The following CHD7 variants were observed in gnomAD, a reference collection of about 807,000 sequenced individuals.
CHD7 encodes the protein ATP-dependent chromatin remodeler CHD7.
Under a neutral mutation model 307.3 loss-of-function variants are expected in CHD7, and 24 were observed. That is an observed-to-expected ratio of 0.08 (90% CI 0.06 to 0.11). The LOEUF (loss-of-function observed/expected upper bound fraction) is 0.11, where lower values mean the gene tolerates loss of function less well. Among genes scored for constraint, CHD7 ranks in the 10% least tolerant of loss-of-function variants. CHD7 has a pLI of 1.00. For synonymous variants in CHD7, 1,363 were observed against 1,349.9 expected (o/e 1.01, Z -0.21); for missense variants, 3,106 against 3,727.1 (o/e 0.83, Z 4.34).
chr8:60,859,079 T>C (rs754702249), intron 34 of CHD7, among the ~76,000 whole-genome samples: 1 of 152,198 alleles, frequency 6.6e-6, no homozygotes, highest in Non-Finnish European at 1.5e-5. Flanking sequence ...TTTTCTAAAG[T>C]CCCATTTAGA....
chr8:60,791,032 G>A (rs952533782), intron 3 of CHD7, among the ~76,000 whole-genome samples: 1 of 152,166 alleles, frequency 6.6e-6, no homozygotes, highest in African/African-American at 2.4e-5. Flanking sequence ...GGAAGCATAA[G>A]AGGCAAAGGT....
At chr8:60,837,342 A>G (rs1437137947) in intron 17 of CHD7, among the ~76,000 whole-genome samples, 1 of 152,160 alleles carries the variant, frequency 6.6e-6, no homozygotes, top group African/African-American at 2.4e-5. Context: ...AACAACAGAC[A>G]TTTATTTCTC....
chr8:60,750,326 A>C (rs1809572636), intron 2 of CHD7, among the ~76,000 whole-genome samples: 1 of 152,200 alleles, frequency 6.6e-6, no homozygotes, highest in African/African-American at 2.4e-5. Context: ...AGTGCCTGTT[A>C]TGTGCCAAGG....
At chr8:60,760,779 C>G (rs1381666281) in intron 2 of CHD7, among the ~76,000 whole-genome samples, 2 of 151,440 alleles carry the variant, frequency 1.3e-5, no homozygotes, top group Non-Finnish European at 3.0e-5. Context: ...AAATGCAAAT[C>G]AAAACCACAA....
intron 2 of CHD7, among the ~76,000 whole-genome samples, chr8:60,752,194 A>C (rs911848253): frequency 6.6e-6 from 1 of 152,146 alleles, no homozygotes; most frequent in Non-Finnish European, 1.5e-5. Context: ...GCAAAAAAAC[A>C]ATTGTTTTAG....
chr8:60,687,316 C>T (rs1805952973), intron 1 of CHD7, among the ~76,000 whole-genome samples: 1 of 152,096 alleles, frequency 6.6e-6, no homozygotes, highest in African/African-American at 2.4e-5. Context: ...AAAAAAAATA[C>T]CCCAGTTGGT....
rs190298202 is a variant in CHD7, at chr8:60,849,195, C to T, written c.5404+41C>T. 209 of 1,289,008 alleles carry T rather than the reference C, an allele frequency of 1.6e-4. No individual in the cohort carries two copies. The African/African-American group carries it at 2.8e-3, about 18-fold the overall frequency. The allele number at this position is 1,289,008 out of a possible 1,614,324, so 79.8% of individuals were successfully genotyped here. Reference sequence around the variant, plus strand: ...GTTTGAATACATCTCAACTGTATGGCTTGGTCTTTATTTAGAACTCTTTAC... The same window carrying T: ...GTTTGAATACATCTCAACTGTATGGTTTGGTCTTTATTTAGAACTCTTTAC... On this transcript the variant is annotated intron_variant, in intron 25 of 37. Transcript: ENST00000423902.
intron 23 of CHD7, among the ~76,000 whole-genome samples, chr8:60,846,670 G>A (rs1805222526): frequency 6.6e-6 from 1 of 152,254 alleles, no homozygotes; most frequent in Non-Finnish European, 1.5e-5. Flanking sequence ...CTTTGTAAAA[G>A]TAGCAGCAAC....
chr8:60,688,944 G>A (rs1462512225), intron 1 of CHD7, among the ~76,000 whole-genome samples: 1 of 152,116 alleles, frequency 6.6e-6, no homozygotes, highest in Non-Finnish European at 1.5e-5. Flanking sequence ...CATGTAAAGA[G>A]GAGACAAGAT....
chr8:60,861,216 C>T (rs1345071020), intron 35 of CHD7, 91 bp downstream of exon 35: 2 of 974,690 alleles, frequency 2.1e-6, no homozygotes, highest in South Asian at 1.8e-5. Flanking sequence ...CAGCTGGTCC[C>T]TCTGCCTTTT....
At chr8:60,730,108 G>A (rs1808364826) in intron 1 of CHD7, among the ~76,000 whole-genome samples, 1 of 152,312 alleles carries the variant, frequency 6.6e-6, no homozygotes, top group Non-Finnish European at 1.5e-5. Flanking sequence ...GTTACAAAAT[G>A]CTTTGTATTG....
chr8:60,822,795 G>A, intron 12 of CHD7, 49 bp downstream of exon 12: 1 of 1,439,464 alleles, frequency 6.9e-7, no homozygotes, highest in African/African-American at 1.4e-5. Flanking sequence ...TGCATTTTAA[G>A]GTGTTAAAAA....
chr8:60,767,914 G>T (rs1480159980), intron 2 of CHD7, among the ~76,000 whole-genome samples: 3 of 152,184 alleles, frequency 2.0e-5, no homozygotes, highest in African/African-American at 7.2e-5. Context: ...ATAGACTAAA[G>T]TTACTGCGAG....
chr8:60,810,396 T>A, intron 7 of CHD7, among the ~76,000 whole-genome samples: 1 of 151,934 alleles, frequency 6.6e-6, no homozygotes, highest in Non-Finnish European at 1.5e-5. Flanking sequence ...TGTGTGTGTG[T>A]GTGTGTGTGT....
intron 2 of CHD7, among the ~76,000 whole-genome samples, chr8:60,767,775 G>C (rs556422530): frequency 6.6e-6 from 1 of 152,124 alleles, no homozygotes; most frequent in Non-Finnish European, 1.5e-5. Context: ...CTCTCTCTTC[G>C]TGGTTTGTTT....
chr8:60,830,281 G>A, intron 14 of CHD7, 41 bp from the exon 15 acceptor site: 1 of 1,569,542 alleles, frequency 6.4e-7, no homozygotes, highest in South Asian at 1.2e-5. Flanking sequence ...TAACTTGCAA[G>A]CAAATCATGA....
chr8:60,739,028 C>T (rs1310296372), intron 1 of CHD7, among the ~76,000 whole-genome samples: 1 of 152,152 alleles, frequency 6.6e-6, no homozygotes, highest in Non-Finnish European at 1.5e-5. Flanking sequence ...GCACCAACTT[C>T]ATCGCCACTT....
Position 60,841,682 on chromosome 8 carries a change from C to T in CHD7, c.4572C>T (p.Ser1524=), listed in dbSNP as rs984598194. 2 of 1,609,708 alleles carry T rather than the reference C, an allele frequency of 1.2e-6. No homozygotes were observed. The highest frequency in any genetic ancestry group is 8.5e-7 in the Non-Finnish European group (1 of 1,176,214). The change falls in exon 20 of 38, where the codon TCC becomes TCT. Residue 1524 remains serine, a synonymous_variant. Transcript: ENST00000423902. ...CATCTGGAAATAGGACAGATATTTC[C>T]TTGGATGATCCAAATTTCTGGCAAA... ...FVASGNRTDI[S]LDDPNFWQKW...
At chr8:60,863,348 G>C (rs1806093251) in intron 37 of CHD7, 1 of 152,206 alleles carries the variant, frequency 6.6e-6, no homozygotes, top group Non-Finnish European at 1.5e-5. Context: ...TCTTGAAGCA[G>C]TTTCTTTCGC....
Sources: allele counts gnomAD v4.1 joint callset (sites outside exome capture counted in the v4.1 genomes callset), GRCh38; gene constraint gnomAD v4.1.1; transcripts MANE v1.5; gene names NCBI Gene and HGNC (gene_info 2026-07-23, HGNC 2026-07-21).